MINDY3: variants seen among roughly 807,000 people sequenced by gnomAD.
The protein encoded by MINDY3 is ubiquitin carboxyl-terminal hydrolase MINDY-3.
MINDY3 carries 38 observed loss-of-function variants against 69.2 expected under a neutral mutation model. The ratio of observed to expected loss-of-function variants is 0.55; its 90% CI spans 0.42 to 0.72. MINDY3 has a LOEUF of 0.72. Among genes scored for constraint, MINDY3 ranks in the 30% least tolerant of loss-of-function variants. MINDY3 has a pLI of 0.00. For synonymous variants in MINDY3, 192 were observed against 180.1 expected (o/e 1.07, Z -0.53); for missense variants, 522 against 519.0 (o/e 1.01, Z -0.06).
intron 13 of MINDY3, among the ~76,000 whole-genome samples, chr10:15,782,498 A>C (rs868125661): frequency 1.2e-4 from 18 of 152,038 alleles, no homozygotes; most frequent in Admixed American, 3.9e-4. Flanking sequence ...AATTATGTGC[A>C]TGTATCACTA....
chr10:15,817,285 TAAC>T (rs1839439401), intron 9 of MINDY3: 1 of 165,790 alleles, frequency 6.0e-6, no homozygotes, highest in African/African-American at 2.4e-5. Context: ...TTGACGATAA[TAAC>T]TTTATAAGGA....
At chr10:15,800,296 G>A (rs559850837) in intron 10 of MINDY3, among the ~76,000 whole-genome samples, 8 of 152,036 alleles carry the variant, frequency 5.3e-5, no homozygotes, top group South Asian at 2.1e-4. Flanking sequence ...AGGGGCATAC[G>A]GACTGTACCT....
chr10:15,798,945 G>A (rs1838051275), intron 10 of MINDY3, among the ~76,000 whole-genome samples: 1 of 152,038 alleles, frequency 6.6e-6, no homozygotes, highest in Non-Finnish European at 1.5e-5. Flanking sequence ...CAAAAATCTC[G>A]GTGGACTCTA....
At chr10:15,813,422 A>T (rs1279299995) in intron 10 of MINDY3, among the ~76,000 whole-genome samples, 1 of 152,054 alleles carries the variant, frequency 6.6e-6, no homozygotes, top group African/African-American at 2.4e-5. Flanking sequence ...TTAGGCATCA[A>T]TTTTTTAAGT....
chr10:15,807,310 A>G (rs1838701462), intron 10 of MINDY3, among the ~76,000 whole-genome samples: 1 of 152,192 alleles, frequency 6.6e-6, no homozygotes, highest in African/African-American at 2.4e-5. Flanking sequence ...GAAGGAAGGA[A>G]GTTGGAAGAA....
chr10:15,807,508 A>G (rs887377991), intron 10 of MINDY3, among the ~76,000 whole-genome samples: 1 of 152,178 alleles, frequency 6.6e-6, no homozygotes, highest in Non-Finnish European at 1.5e-5. Flanking sequence ...GCGGTCATCT[A>G]TTAACCATAC....
At chr10:15,833,551 A>C in intron 8 of MINDY3, 79 bp downstream of exon 8, 1 of 939,216 alleles carries the variant, frequency 1.1e-6, no homozygotes. Flanking sequence ...AGAGCCATTA[A>C]ATAGACGAAT....
At chr10:15,814,637 CT>C (rs1166693810) in intron 10 of MINDY3, among the ~76,000 whole-genome samples, 1 of 152,046 alleles carries the variant, frequency 6.6e-6, no homozygotes, top group Non-Finnish European at 1.5e-5. Context: ...TGACAGGGAT[CT>C]ATGAATAAAA....
chr10:15,848,633 C>CAAAAAAAAAAAAAAAAAAAAAAA (rs10719399), intron 1 of MINDY3, among the ~76,000 whole-genome samples: 14 of 48,800 alleles, frequency 2.9e-4, no homozygotes, highest in African/African-American at 1.3e-3. Flanking sequence ...GACTTCATCT[C>CAAAAAAAAAAAAAAAAAAAAAAA]AAAAAAAAAA....
At chr10:15,816,705 G>T (rs1369510612) in intron 10 of MINDY3, 130 bp downstream of exon 10, 1 of 667,348 alleles carries the variant, frequency 1.5e-6, no homozygotes, top group African/African-American at 1.9e-5. Context: ...ATTAGTTTTT[G>T]AGATTTTTGA....
At position 15,786,429 on chromosome 10, in the gene MINDY3, T is replaced by C. The variant is rs77835927; in HGVS notation, c.1116+132A>G. The C allele has an allele frequency of 9.8e-4, 629 of 641,134 alleles. 5 individuals carry two copies. The African/African-American group carries it at 0.011, about 11-fold the overall frequency. The allele number at this position is 641,134 out of a possible 1,614,324, so 39.7% of individuals were successfully genotyped here. On this transcript the variant is annotated intron_variant, in intron 13 of 14. Transcript: ENST00000277632. ...CACATTCCCTCTGTCTGGGAAGGTT[T>C]CCATGTAACGGTGTTTTCTCAGTCT... is the stretch of plus-strand genomic sequence containing the variant.
chr10:15,825,201 G>T (rs1840010849), intron 8 of MINDY3, among the ~76,000 whole-genome samples: 1 of 151,866 alleles, frequency 6.6e-6, no homozygotes, highest in Non-Finnish European at 1.5e-5. Context: ...CAGCATTTTG[G>T]ATTTCAGATT....
chr10:15,807,324 A>G (rs1838702565), intron 10 of MINDY3, among the ~76,000 whole-genome samples: 1 of 152,194 alleles, frequency 6.6e-6, no homozygotes, highest in East Asian at 1.9e-4. Context: ...GGAAGAAAGA[A>G]CAGGAGCAAC....
At chr10:15,835,851 G>A (rs1250694100) in intron 6 of MINDY3, among the ~76,000 whole-genome samples, 1 of 151,808 alleles carries the variant, frequency 6.6e-6, no homozygotes, top group East Asian at 1.9e-4. Flanking sequence ...TCCATTCCAT[G>A]ACCTGTCCTA....
chr10:15,808,884 G>A (rs1159076403), intron 10 of MINDY3, among the ~76,000 whole-genome samples: 1 of 152,110 alleles, frequency 6.6e-6, no homozygotes, highest in Non-Finnish European at 1.5e-5. Flanking sequence ...GATGAAACTA[G>A]ATGCTATAGG....
At position 15,816,835 on chromosome 10, in the gene MINDY3, C is replaced by T. The variant is rs925603199; in HGVS notation, c.882G>A (p.Lys294=). 2.5e-6 allele frequency: 4 copies of T among 1,610,674 alleles called. No homozygotes were observed. Among genetic ancestry groups the T allele is most frequent in the Non-Finnish European group, 3.4e-6 (4 of 1,177,704 alleles). The change falls in exon 10 of 15, where the codon AAG becomes AAA. Residue 294 remains lysine, a splice_region_variant and synonymous_variant. Transcript: ENST00000277632. ...AAAAAAAATCCTGCTATAAGCATAC[C>T]TTGGCAAAAAATACGGTGAGGTGAG... The part of the protein sequence containing the change: ...SETHLTVFFA[K]DMALVAPEAP...
chr10:15,804,196 G>A (rs1055613044), intron 10 of MINDY3, among the ~76,000 whole-genome samples: 1 of 151,802 alleles, frequency 6.6e-6, no homozygotes, highest in Non-Finnish European at 1.5e-5. Flanking sequence ...AAATTATCTA[G>A]CCTCACTCAG....
At chr10:15,857,561 G>A (rs1164993987) in intron 1 of MINDY3, among the ~76,000 whole-genome samples, 4 of 151,948 alleles carry the variant, frequency 2.6e-5, no homozygotes, top group African/African-American at 4.8e-5. Context: ...AGTACTATAG[G>A]CAATTGAGCA....
intron 6 of MINDY3, among the ~76,000 whole-genome samples, chr10:15,835,130 T>A (rs1219084233): frequency 6.6e-6 from 1 of 152,060 alleles, no homozygotes; most frequent in East Asian, 1.9e-4. Flanking sequence ...TGTTGGTCAT[T>A]CAAATGTATA....
Sources: gnomAD v4.1 joint callset for allele counts (sites outside exome capture counted in the v4.1 genomes callset) on GRCh38, gnomAD v4.1.1 for gene constraint, MANE v1.5 for transcripts, NCBI Gene and HGNC (gene_info 2026-07-23, HGNC 2026-07-21) for gene names.